The following ZSCAN5A variants were observed in gnomAD, a reference collection of about 807,000 sequenced individuals.
ZSCAN5A encodes the protein zinc finger and SCAN domain containing 5A.
A neutral mutation model predicts 23.7 loss-of-function variants in ZSCAN5A; 12 were observed. The observed-to-expected ratio is 0.51, with a 90% CI of 0.32 to 0.82. ZSCAN5A has a LOEUF of 0.82. Ranked by LOEUF, ZSCAN5A falls within the 40% of genes least tolerant of loss-of-function variation. The pLI, the probability that ZSCAN5A is intolerant of heterozygous loss-of-function variation, is 0.03. For missense variants in ZSCAN5A, 597 were observed against 617.9 expected, an observed-to-expected ratio of 0.97 and a Z score of 0.36; for synonymous variants, 257 against 239.9, an observed-to-expected ratio of 1.07 and a Z score of -0.66.
At position 56,225,113 on chromosome 19, in the gene ZSCAN5A, C is replaced by T. The variant is rs1234327913; in HGVS notation, c.-67G>A. The T allele has an allele frequency of 2.0e-6, 3 of 1,510,438 alleles. No individual in the cohort carries two copies. The East Asian group carries it at 6.8e-5, about 34-fold the overall frequency. The allele number at this position is 1,510,438 out of a possible 1,614,324, so 93.6% of individuals were successfully genotyped here. A position where few individuals can be genotyped will look rare whatever the true frequency, so the allele number is the denominator to read the frequency against. ...TCCAGTAGCTGGTATCTAATTGATA[C>T]CTATCTACACAGGCTTCCTCTGGTT... On this transcript the variant is annotated 5_prime_UTR_variant, in exon 3 of 6. Transcript: ENST00000683990.
At chr19:56,334,783 A>G (rs753087336) in intron 2 of ZSCAN5A, among the ~76,000 whole-genome samples, 1 of 152,178 alleles carries the variant, frequency 6.6e-6, no homozygotes, top group Non-Finnish European at 1.5e-5. Context: ...AGAAAAAAAT[A>G]CTCATCCAAA....
At chr19:56,284,509 T>C (rs895864109) in intron 2 of ZSCAN5A, among the ~76,000 whole-genome samples, 6 of 105,124 alleles carry the variant, frequency 5.7e-5, no homozygotes, top group Admixed American at 5.5e-4. Flanking sequence ...TGATGCTTGC[T>C]GTAATTTTTT....
intron 2 of ZSCAN5A, among the ~76,000 whole-genome samples, chr19:56,257,275 C>T (rs895557156): frequency 1.3e-5 from 2 of 152,138 alleles, no homozygotes; most frequent in African/African-American, 4.8e-5. Flanking sequence ...GAGATTTACA[C>T]GTTAGAATCC....
At chr19:56,350,707 G>A (rs938971214) in intron 2 of ZSCAN5A, among the ~76,000 whole-genome samples, 2 of 152,106 alleles carry the variant, frequency 1.3e-5, no homozygotes, top group Non-Finnish European at 2.9e-5. Flanking sequence ...AAACTCTACT[G>A]TCAGTTATGG....
chr19:56,292,448 T>C (rs57724342), intron 2 of ZSCAN5A, among the ~76,000 whole-genome samples: 8,899 of 151,590 alleles, frequency 0.059, 861 homozygotes, highest in African/African-American at 0.2. Flanking sequence ...GGTTTTTTTG[T>C]CTGTTTTTAC....
intron 2 of ZSCAN5A, among the ~76,000 whole-genome samples, chr19:56,238,069 GAC>G (rs1353197757): frequency 1.5e-4 from 2 of 13,746 alleles, no homozygotes; most frequent in African/African-American, 2.5e-4. Context: ...TAGTCCCCTA[GAC>G]ACACACAGAG....
rs189738305 is a variant in ZSCAN5A at position 56,332,009 on chromosome 19, C to A, written c.-357-15741G>T. Among the ~76,000 whole-genome samples the A allele has an allele frequency of 1.0e-3, 159 of 152,102 alleles. 1 individual carries two copies. The highest frequency in any genetic ancestry group is 3.6e-3 in the African/African-American group (151 of 41,480). ...TTTTGAGAGATCTTGGTATTGATTT[C>A]TATTTTTATTGCACTGTGGTCCAAG... On this transcript the variant is annotated intron_variant, in intron 2 of 6. Transcript: ENST00000587340.
intron 2 of ZSCAN5A, among the ~76,000 whole-genome samples, chr19:56,270,359 C>A (rs1193962331): frequency 6.6e-6 from 1 of 152,140 alleles, no homozygotes; most frequent in Non-Finnish European, 1.5e-5. Flanking sequence ...CGGAGGCTTG[C>A]AGTGAGTTGA....
intron 2 of ZSCAN5A, among the ~76,000 whole-genome samples, chr19:56,303,713 G>A (rs1452206309): frequency 2.0e-5 from 3 of 152,152 alleles, no homozygotes; most frequent in Non-Finnish European, 4.4e-5. Flanking sequence ...ATAGCAGGAG[G>A]ACTGCAGAGA....
intron 2 of ZSCAN5A, chr19:56,274,764 TTTTTGTTTTG>T (rs140348475): frequency 5.7e-4 from 36 of 63,702 alleles, no homozygotes; most frequent in Non-Finnish European, 1.4e-3. Flanking sequence ...TCAATTAAGT[TTTTTGTTTTG>T]TTTTGTTTTG....
intron 2 of ZSCAN5A, among the ~76,000 whole-genome samples, chr19:56,233,373 G>A (rs201078218): frequency 1.3e-5 from 2 of 151,988 alleles, no homozygotes; most frequent in East Asian, 1.9e-4. Context: ...AATGGTCCCC[G>A]CCCTCCGCTC....
chr19:56,270,078 C>A (rs374335618), intron 2 of ZSCAN5A, among the ~76,000 whole-genome samples: 6 of 151,670 alleles, frequency 4.0e-5, no homozygotes, highest in Non-Finnish European at 7.4e-5. Flanking sequence ...GGTTTTTTGC[C>A]GTCTCCAGGT....
chr19:56,241,505 GC>G (rs2146619721), intron 2 of ZSCAN5A, among the ~76,000 whole-genome samples: 1 of 152,298 alleles, frequency 6.6e-6, no homozygotes, highest in South Asian at 2.1e-4. Flanking sequence ...AGCATAATGT[GC>G]TTTGTAGGAT....
chr19:56,284,989 C>T (rs779732749), intron 2 of ZSCAN5A: 141 of 984,990 alleles, frequency 1.4e-4, no homozygotes, highest in Non-Finnish European at 1.6e-4. Context: ...GTTATGTCTT[C>T]TTCCTCAGGT....
At chr19:56,259,272 T>C (rs951049428) in intron 2 of ZSCAN5A, among the ~76,000 whole-genome samples, 7 of 152,082 alleles carry the variant, frequency 4.6e-5, no homozygotes, top group Non-Finnish European at 7.4e-5. Flanking sequence ...CTGAGCAACA[T>C]GGTAGAACCA....
intron 2 of ZSCAN5A, among the ~76,000 whole-genome samples, chr19:56,312,664 G>C (rs2041112361): frequency 6.6e-6 from 1 of 152,360 alleles, no homozygotes; most frequent in Non-Finnish European, 1.5e-5. Flanking sequence ...GCTTATATAA[G>C]ATGTTAACAG....
chr19:56,230,031 G>A (rs1035702523), intron 2 of ZSCAN5A, among the ~76,000 whole-genome samples: 20 of 152,138 alleles, frequency 1.3e-4, no homozygotes, highest in African/African-American at 4.8e-4. Flanking sequence ...TGCAAAGAGA[G>A]ACAATTCGAC....
At chr19:56,320,681 G>C in intron 2 of ZSCAN5A, 1 of 790,130 alleles carries the variant, frequency 1.3e-6, no homozygotes, top group Non-Finnish European at 2.3e-6. Context: ...GGTGGTGCAG[G>C]AATACTCCTT....
At chr19:56,244,744 G>C (rs150367003) in intron 2 of ZSCAN5A, among the ~76,000 whole-genome samples, 9,995 of 147,070 alleles carry the variant, frequency 0.068, 649 homozygotes, top group African/African-American at 0.19. Context: ...GGGGTACAGG[G>C]ACCCACACAC....
Sources: allele counts gnomAD v4.1 joint callset (sites outside exome capture counted in the v4.1 genomes callset), GRCh38; gene constraint gnomAD v4.1.1; transcripts MANE v1.5; gene names NCBI Gene and HGNC (gene_info 2026-07-23, HGNC 2026-07-21).